The following SYNE3 variants were observed in gnomAD, a reference collection of about 807,000 sequenced individuals.
SYNE3 encodes the protein nesprin-3.
SYNE3 carries 100 observed loss-of-function variants against 111.2 expected under a neutral mutation model. The observed-to-expected ratio is 0.90, with a 90% CI of 0.77 to 1.06. The LOEUF is 1.06. SYNE3 is among the 50% of genes least tolerant of loss of function. The probability of loss-of-function intolerance (pLI) is 0.00; values close to 1 mark genes in which losing one functional copy is unlikely to be tolerated. For missense variants in SYNE3, 1,160 were observed against 1,240.3 expected (o/e 0.94, Z 0.97); for synonymous variants, 547 against 533.9 (o/e 1.02, Z -0.34).
chr14:95,480,606 A>G (rs1889182739), intron 1 of SYNE3, among the ~76,000 whole-genome samples: 1 of 152,232 alleles, frequency 6.6e-6, no homozygotes, highest in South Asian at 2.1e-4. Flanking sequence ...GAGGACAGGA[A>G]TCTTCCAGAA....
intron 1 of SYNE3, among the ~76,000 whole-genome samples, chr14:95,477,400 T>G (rs918536462): frequency 6.6e-6 from 1 of 151,294 alleles, no homozygotes; most frequent in Non-Finnish European, 1.5e-5. Flanking sequence ...TGGAAGTTTG[T>G]TTTTTTTTCC....
rs1298650481 is a variant in SYNE3 at position 95,472,217 on chromosome 14, TC to T, written c.144+3460del. ...TATTGAAGGATGAATGCATTGGGAATCCAAGCCTTGAGAAACACCAGGGTGC... is the reference window on the plus strand; with the variant it reads ...TATTGAAGGATGAATGCATTGGGAATCAAGCCTTGAGAAACACCAGGGTGC... On this transcript the variant is annotated intron_variant, in intron 2 of 17. Transcript: ENST00000682763. 2.0e-5 allele frequency among the ~76,000 whole-genome samples: 3 copies of T among 152,164 alleles called. No homozygotes were observed. The East Asian group carries it at 5.8e-4, about 29-fold the overall frequency.
chr14:95,444,125 C>T (rs1027464806), intron 10 of SYNE3: 5 of 304,336 alleles, frequency 1.6e-5, no homozygotes, highest in Admixed American at 4.9e-5. Flanking sequence ...TTACAGTCCA[C>T]GTTTCAGAAC....
At chr14:95,490,071 G>A (rs1392998476) in intron 1 of SYNE3, among the ~76,000 whole-genome samples, 1 of 152,312 alleles carries the variant, frequency 6.6e-6, no homozygotes, top group African/African-American at 2.4e-5. Context: ...ACTCTGAGAC[G>A]AGTGAGCTTT....
chr14:95,439,458 G>A (rs1231610580), intron 13 of SYNE3, among the ~76,000 whole-genome samples, 154 bp downstream of exon 13: 1 of 152,178 alleles, frequency 6.6e-6, no homozygotes, highest in Non-Finnish European at 1.5e-5. Flanking sequence ...GCTCCTGCTA[G>A]AATAGCCAAC....
chr14:95,450,390 A>C, intron 7 of SYNE3: 1 of 414,942 alleles, frequency 2.4e-6, no homozygotes. Flanking sequence ...ATTTACATTC[A>C]TGGGCAGGAT....
chr14:95,514,500 C>A (rs536842987), intron 1 of SYNE3, among the ~76,000 whole-genome samples: 1 of 152,246 alleles, frequency 6.6e-6, no homozygotes. Context: ...GAGGCCCCTT[C>A]GCCTCAAACT....
At position 95,479,224 on chromosome 14, in the gene SYNE3, C is replaced by CAAAAAAAAAAAAAAAAA. The variant is rs71132351; in HGVS notation, c.-14-3406_-14-3390dup. 1.0e-4 allele frequency among the ~76,000 whole-genome samples: 9 copies of CAAAAAAAAAAAAAAAAA among 86,298 alleles called. No homozygotes were observed. The South Asian group carries it at 1.1e-3, about 11-fold the overall frequency. 56.6% of individuals were successfully genotyped at this position (86,298 alleles called of 152,430 possible). On this transcript the variant is annotated intron_variant, in intron 1 of 17. Coordinates refer to ENST00000682763, the MANE Select transcript of SYNE3 (RefSeq NM_152592.6). Reference sequence around the variant, plus strand: ...CAGCATAGTGAGACCTCGTCTCTACCAAAAAAAAAAAAAAAAAAAAAAAAA... The same window carrying CAAAAAAAAAAAAAAAAA: ...CAGCATAGTGAGACCTCGTCTCTACCAAAAAAAAAAAAAAAAAAAAAAAAAAAAAAAAAAAAAAAAAA...
At chr14:95,511,920 G>GCCCAATGT (rs57777991) in intron 1 of SYNE3, among the ~76,000 whole-genome samples, 11,239 of 152,072 alleles carry the variant, frequency 0.074, 1,266 homozygotes, top group African/African-American at 0.25. Context: ...CCCTACGTGT[G>GCCCAATGT]TGACCTCGGC....
intron 1 of SYNE3, among the ~76,000 whole-genome samples, chr14:95,512,595 G>A (rs1317939991): frequency 5.3e-5 from 8 of 151,362 alleles, no homozygotes; most frequent in Non-Finnish European, 1.0e-4. Flanking sequence ...GCTCATGCCT[G>A]TAATCCTAGC....
At chr14:95,501,269 T>C (rs1890324342) in intron 1 of SYNE3, among the ~76,000 whole-genome samples, 1 of 152,240 alleles carries the variant, frequency 6.6e-6, no homozygotes, top group Admixed American at 6.5e-5. Flanking sequence ...ATTTGCTTGC[T>C]TGTTGACTCT....
Position 95,457,170 on chromosome 14 carries a change from G to T in SYNE3, c.789+7C>A. The T allele has an allele frequency of 6.2e-7, 1 of 1,612,964 alleles. No homozygotes were observed. The highest frequency in any genetic ancestry group is 2.2e-5 in the East Asian group (1 of 44,848). ...GTCCCTCTGGTTGAGACACAGCTGG[G>T]GATTACCTGCAGTGTGGAGAGGCGC... On this transcript the variant is annotated splice_region_variant and intron_variant, in intron 5 of 17. Coordinates refer to ENST00000682763, the MANE Select transcript of SYNE3 (RefSeq NM_152592.6).
Position 95,434,474 on chromosome 14 carries a change from C to T in SYNE3, c.2539-1065G>A, listed in dbSNP as rs187338166. 3.0e-4 allele frequency among the ~76,000 whole-genome samples: 46 copies of T among 152,186 alleles called. 1 individual carries two copies. Among genetic ancestry groups the T allele is most frequent in the Admixed American group, 2.6e-3 (40 of 15,282 alleles). On this transcript the variant is annotated intron_variant, in intron 15 of 17. Transcript: ENST00000682763. ...TTTGCTGAGCTCCTAAAGCCTTCAC[C>T]CTATTAAAAATGAACCAGAAGTAAA...
intron 1 of SYNE3, among the ~76,000 whole-genome samples, chr14:95,504,121 T>C (rs2139604019): frequency 6.6e-6 from 1 of 152,374 alleles, no homozygotes; most frequent in Admixed American, 6.5e-5. Flanking sequence ...TAATGTTTCA[T>C]GGCATATGAA....
At position 95,500,516 on chromosome 14, in the gene SYNE3, T is replaced by C. The variant is rs74538265; in HGVS notation, c.-15+16080A>G. Among the ~76,000 whole-genome samples, 996 of 152,276 alleles carry C rather than the reference T, an allele frequency of 6.5e-3. 8 individuals carry two copies. Among genetic ancestry groups the C allele is most frequent in the African/African-American group, 0.023 (946 of 41,566 alleles). ...CAGGGAGAAGCTGCCCTCTGGGACTTTGCTTTGGCCCAGCCGGACTCAGCG... is the reference window on the plus strand; with the variant it reads ...CAGGGAGAAGCTGCCCTCTGGGACTCTGCTTTGGCCCAGCCGGACTCAGCG... On this transcript the variant is annotated intron_variant, in intron 1 of 17. Transcript: ENST00000682763. The surrounding 1 kb of genome is among the most constrained non-coding windows in gnomAD (Gnocchi z 4.7).
intron 16 of SYNE3, 75 bp downstream of exon 16, chr14:95,433,185 T>C (rs1028263689): frequency 6.4e-6 from 10 of 1,563,018 alleles, no homozygotes; most frequent in Non-Finnish European, 8.7e-6. Flanking sequence ...GGCTTAGCAC[T>C]GTATCCCCAG....
intron 1 of SYNE3, among the ~76,000 whole-genome samples, chr14:95,480,955 T>A (rs7494707): frequency 1.3e-5 from 2 of 152,220 alleles, no homozygotes; most frequent in Non-Finnish European, 1.5e-5. Context: ...CTGAGCTCTG[T>A]GGCCCATTAG....
Position 95,491,194 on chromosome 14 carries a change from T to A in SYNE3, c.-14-15359A>T, listed in dbSNP as rs112603334. Among the ~76,000 whole-genome samples the A allele has an allele frequency of 6.3e-3, 962 of 152,192 alleles. 14 individuals carry two copies. The highest frequency in any genetic ancestry group is 0.022 in the African/African-American group (914 of 41,514). On this transcript the variant is annotated intron_variant, in intron 1 of 17. Coordinates refer to ENST00000682763, the MANE Select transcript of SYNE3 (RefSeq NM_152592.6). ...ACATTCCAGTGAGCCAATGAAAGAT[T>A]CTGTGGAAACCTCCCTGCAGGTAAC...
chr14:95,508,098 G>A (rs1407968972), intron 1 of SYNE3, among the ~76,000 whole-genome samples: 1 of 152,222 alleles, frequency 6.6e-6, no homozygotes, highest in Non-Finnish European at 1.5e-5. Context: ...AGTGTAGCCT[G>A]GGAGTTACCT....
Sources: allele counts gnomAD v4.1 joint callset (sites outside exome capture counted in the v4.1 genomes callset), GRCh38; gene constraint gnomAD v4.1.1; non-coding constraint Gnocchi (gnomAD v3.1); transcripts MANE v1.5; gene names NCBI Gene and HGNC (gene_info 2026-07-23, HGNC 2026-07-21).